Variants in FTO observed in about 807,000 individuals in gnomAD.
The protein encoded by FTO is FTO alpha-ketoglutarate dependent dioxygenase.
Under a neutral mutation model 63.9 loss-of-function variants are expected in FTO, and 47 were observed. The ratio of observed to expected loss-of-function variants is 0.74; its 90% CI spans 0.58 to 0.94. FTO has a LOEUF of 0.94. Among genes scored for constraint, FTO ranks in the 40% least tolerant of loss-of-function variants. The pLI is 0.00. For synonymous variants in FTO, 207 were observed against 224.4 expected (o/e 0.92, Z 0.69); for missense variants, 562 against 618.1 (o/e 0.91, Z 0.96).
chr16:53,731,481 A>G (rs2076268109), intron 1 of FTO, among the ~76,000 whole-genome samples: 1 of 152,188 alleles, frequency 6.6e-6, no homozygotes, highest in South Asian at 2.1e-4. Context: ...ACATGATTCA[A>G]AAGGGAATTA....
chr16:54,048,107 T>TA (rs2085218550), intron 8 of FTO, among the ~76,000 whole-genome samples: 2 of 46,944 alleles, frequency 4.3e-5, no homozygotes, highest in Admixed American at 2.4e-4. Flanking sequence ...AAACTTAGAG[T>TA]ATAATAAAAA....
intron 2 of FTO, among the ~76,000 whole-genome samples, chr16:53,820,478 T>C (rs952061047): frequency 1.3e-5 from 2 of 149,408 alleles, no homozygotes; most frequent in Non-Finnish European, 3.0e-5. Flanking sequence ...AGGAAAGGTT[T>C]CCTTTTTTTT....
intron 8 of FTO, chr16:53,956,538 A>G (rs1309914961): frequency 2.6e-5 from 4 of 152,170 alleles, no homozygotes; most frequent in Non-Finnish European, 4.4e-5. Flanking sequence ...ATCAGGATGA[A>G]AAGATCATGA....
At chr16:53,919,700 T>C (rs1463701935) in intron 7 of FTO, among the ~76,000 whole-genome samples, 1 of 152,220 alleles carries the variant, frequency 6.6e-6, no homozygotes, top group African/African-American at 2.4e-5. Context: ...TGGATGGAAT[T>C]GGAGACCATT....
At chr16:53,800,576 T>C (rs2078193270) in intron 1 of FTO, among the ~76,000 whole-genome samples, 1 of 152,180 alleles carries the variant, frequency 6.6e-6, no homozygotes, top group Non-Finnish European at 1.5e-5. Flanking sequence ...GACAAGGATA[T>C]TGAAATCTTA....
chr16:53,918,998 G>A (rs183516796), intron 7 of FTO, among the ~76,000 whole-genome samples: 3 of 152,252 alleles, frequency 2.0e-5, no homozygotes, highest in East Asian at 1.9e-4. Context: ...GTTAGTATGA[G>A]GATCAAATGA....
In FTO at chr16:54,081,603, C is replaced by G. The variant is rs971560730; in HGVS notation, c.1365-30159C>G. ...GGAATCAGATTTGAAGCCAAAATAACAAGCACTATATATAAATTACTAAAC... is the reference window on the plus strand; with the variant it reads ...GGAATCAGATTTGAAGCCAAAATAAGAAGCACTATATATAAATTACTAAAC... On this transcript the variant is annotated intron_variant, in intron 8 of 8. Transcript: ENST00000471389. 5.3e-5 allele frequency among the ~76,000 whole-genome samples: 8 copies of G among 152,242 alleles called. No homozygotes were observed. In the East Asian group the frequency reaches 9.7e-4, roughly 18 times the overall value.
chr16:54,067,378 G>A (rs1242163567), intron 8 of FTO, among the ~76,000 whole-genome samples: 2 of 152,184 alleles, frequency 1.3e-5, no homozygotes, highest in Non-Finnish European at 2.9e-5. Context: ...AGCTATTGCT[G>A]GAGAGTGGAT....
intron 7 of FTO, among the ~76,000 whole-genome samples, chr16:53,910,741 G>A (rs949656524): frequency 6.6e-6 from 1 of 152,134 alleles, no homozygotes; most frequent in Non-Finnish European, 1.5e-5. Context: ...TCGCCATGTT[G>A]GCCAGGCTAG....
chr16:53,982,130 C>T (rs1818455689), intron 8 of FTO, among the ~76,000 whole-genome samples: 1 of 151,968 alleles, frequency 6.6e-6, no homozygotes. Flanking sequence ...ATATCTCCAT[C>T]CTAAGCCTTA....
At chr16:53,797,234 C>T (rs9922708) in intron 1 of FTO, among the ~76,000 whole-genome samples, 54,157 of 152,092 alleles carry the variant, frequency 0.36, 10,559 homozygotes, top group Non-Finnish European at 0.44. Context: ...GGTACATCTG[C>T]TACACATCAT....
chr16:53,871,683 C>T (rs895961575), intron 4 of FTO, among the ~76,000 whole-genome samples: 8 of 150,526 alleles, frequency 5.3e-5, no homozygotes, highest in African/African-American at 1.9e-4. Flanking sequence ...ATACTTTTGG[C>T]TTTTGCTCTA....
At chr16:53,799,191 T>C (rs1446251863) in intron 1 of FTO, among the ~76,000 whole-genome samples, 1 of 152,184 alleles carries the variant, frequency 6.6e-6, no homozygotes, top group African/African-American at 2.4e-5. Flanking sequence ...TTTCTTGTAA[T>C]ATTTCTGCTT....
At chr16:53,729,358 C>A (rs1296018340) in intron 1 of FTO, among the ~76,000 whole-genome samples, 1 of 151,820 alleles carries the variant, frequency 6.6e-6, no homozygotes, top group Non-Finnish European at 1.5e-5. Context: ...GAAACCCTGT[C>A]TGTATTAAAA....
intron 1 of FTO, among the ~76,000 whole-genome samples, chr16:53,766,888 G>A (rs781634081): frequency 5.3e-5 from 8 of 152,058 alleles, no homozygotes; most frequent in Middle Eastern, 3.2e-3. Context: ...CAACAAACGC[G>A]TTCCTTCCAG....
intron 8 of FTO, chr16:54,040,788 T>G (rs1338614572): frequency 1.3e-5 from 2 of 152,064 alleles, no homozygotes; most frequent in Admixed American, 1.3e-4. Context: ...GAGAGGAAGG[T>G]AGGGCCATAG....
intron 1 of FTO, among the ~76,000 whole-genome samples, chr16:53,779,857 A>G (rs778550111): frequency 5.3e-5 from 8 of 152,230 alleles, no homozygotes; most frequent in Admixed American, 3.9e-4. Context: ...TCTAATCTTC[A>G]TGGTGATTTT....
At chr16:53,823,955 C>G (rs1375792016) in intron 2 of FTO, among the ~76,000 whole-genome samples, 1 of 152,158 alleles carries the variant, frequency 6.6e-6, no homozygotes. Flanking sequence ...ATAAGCACAT[C>G]CTTTAGTTCT....
At chr16:53,803,931 G>A (rs1393158205) in intron 1 of FTO, among the ~76,000 whole-genome samples, 3 of 152,058 alleles carry the variant, frequency 2.0e-5, no homozygotes, top group Admixed American at 2.0e-4. Flanking sequence ...ATTAATCTGT[G>A]GCCTAAAGTA....
Sources: allele counts gnomAD v4.1 joint callset (sites outside exome capture counted in the v4.1 genomes callset), GRCh38; gene constraint gnomAD v4.1.1; transcripts MANE v1.5; gene names NCBI Gene and HGNC (gene_info 2026-07-23, HGNC 2026-07-21).